The following LRP1B variants were observed in gnomAD, a reference collection of about 807,000 sequenced individuals.
The protein encoded by LRP1B is low-density lipoprotein receptor-related protein 1B.
In LRP1B, 217 loss-of-function variants were observed where a neutral mutation model predicts 556.6. That is an observed-to-expected ratio of 0.39 (90% CI 0.35 to 0.44). LRP1B has a LOEUF of 0.44. LRP1B is among the 20% of genes least tolerant of loss of function. The pLI is 1.00. For missense variants in LRP1B, 5,053 were observed against 5,620.8 expected (o/e 0.90, Z 3.23); for synonymous variants, 2,047 against 1,865.8 (o/e 1.10, Z -2.50).
intron 1 of LRP1B, among the ~76,000 whole-genome samples, chr2:141,828,630 C>T (rs769708668): frequency 1.3e-5 from 2 of 152,006 alleles, no homozygotes; most frequent in Non-Finnish European, 2.9e-5. Context: ...TCATAAGTTA[C>T]CTCGTGCTGG....
At chr2:141,531,100 G>C (rs1684856497) in intron 2 of LRP1B, among the ~76,000 whole-genome samples, 2 of 151,872 alleles carry the variant, frequency 1.3e-5, no homozygotes, top group South Asian at 2.1e-4. Flanking sequence ...AAGAAACATG[G>C]GGCAAGAAGG....
intron 7 of LRP1B, among the ~76,000 whole-genome samples, chr2:141,162,321 T>A (rs1680071428): frequency 6.6e-6 from 1 of 151,876 alleles, no homozygotes; most frequent in Non-Finnish European, 1.5e-5. Flanking sequence ...AATCCAGAAT[T>A]TGAAGGAGGG....
chr2:141,775,675 G>A (rs1174689395), intron 2 of LRP1B, among the ~76,000 whole-genome samples: 1 of 152,076 alleles, frequency 6.6e-6, no homozygotes, highest in Non-Finnish European at 1.5e-5. Context: ...TAGACAGGAT[G>A]TGTTAGAAAA....
At position 140,475,262 on chromosome 2, in the gene LRP1B, A is replaced by C. The variant is rs1210008436; in HGVS notation, c.9501T>G (p.Val3167=). 3 of 1,612,236 alleles carry C rather than the reference A, an allele frequency of 1.9e-6. No homozygotes were observed. In the African/African-American group the frequency reaches 4.0e-5, roughly 22 times the overall value. ...GTCTAGAAATCTTGGTTTCTATGAC[A>C]ACACTCTGATTGGTTCCATCCATTC... The part of the protein sequence containing the change: ...RVGMDGTNQS[V]VIETKISRPM... Residue 3167 remains valine, a synonymous_variant, in exon 60 of 91, where the codon GTT becomes GTG. Transcript: ENST00000389484.
At chr2:140,476,765 G>A (rs1244167120) in intron 59 of LRP1B, among the ~76,000 whole-genome samples, 2 of 151,908 alleles carry the variant, frequency 1.3e-5, no homozygotes, top group African/African-American at 4.8e-5. Flanking sequence ...TAAACAAAAG[G>A]TGTAATGTTA....
At chr2:141,134,458 C>T (rs1701441012) in intron 7 of LRP1B, among the ~76,000 whole-genome samples, 1 of 151,812 alleles carries the variant, frequency 6.6e-6, no homozygotes, top group Non-Finnish European at 1.5e-5. Flanking sequence ...TGTGCATTTG[C>T]ATTTAACATC....
intron 2 of LRP1B, among the ~76,000 whole-genome samples, chr2:141,614,356 A>G (rs538253840): frequency 6.6e-6 from 1 of 152,302 alleles, no homozygotes; most frequent in African/African-American, 2.4e-5. Context: ...GTATATACTC[A>G]TCACCATCTA....
chr2:141,533,508 C>T (rs749999904), intron 2 of LRP1B, among the ~76,000 whole-genome samples: 10 of 152,162 alleles, frequency 6.6e-5, no homozygotes, highest in Non-Finnish European at 1.0e-4. Flanking sequence ...AAGCCAATTA[C>T]GGATAAATGC....
chr2:141,640,634 A>G (rs967820067), intron 2 of LRP1B, among the ~76,000 whole-genome samples: 6 of 152,030 alleles, frequency 3.9e-5, no homozygotes, highest in African/African-American at 4.8e-5. Flanking sequence ...GGTGAAACCC[A>G]CCTACAAAAA....
At chr2:142,000,408 A>C (rs896578816) in intron 1 of LRP1B, among the ~76,000 whole-genome samples, 2 of 152,344 alleles carry the variant, frequency 1.3e-5, no homozygotes, top group African/African-American at 4.8e-5. Flanking sequence ...ATTTATACAT[A>C]ATTACAATCA....
intron 7 of LRP1B, among the ~76,000 whole-genome samples, chr2:141,136,392 C>T (rs907995136): frequency 1.3e-5 from 2 of 151,768 alleles, no homozygotes; most frequent in African/African-American, 4.8e-5. Context: ...TCCTAAGTTG[C>T]ACAGTAATAT....
chr2:140,435,026 A>C (rs1307877303), intron 66 of LRP1B, among the ~76,000 whole-genome samples: 3 of 152,200 alleles, frequency 2.0e-5, no homozygotes, highest in African/African-American at 7.2e-5. Context: ...ACTAACACAA[A>C]GCATAATCAA....
intron 2 of LRP1B, among the ~76,000 whole-genome samples, chr2:141,508,186 C>A (rs1314246450): frequency 6.6e-6 from 1 of 152,024 alleles, no homozygotes; most frequent in East Asian, 1.9e-4. Flanking sequence ...TCCTTGAGAC[C>A]AAATTCCCCT....
chr2:140,403,649 A>G (rs1381880974), intron 66 of LRP1B, among the ~76,000 whole-genome samples: 2 of 152,192 alleles, frequency 1.3e-5, no homozygotes, highest in Non-Finnish European at 2.9e-5. Context: ...AAAAACCTAT[A>G]CATAATTGAT....
chr2:141,317,227 T>C (rs1300820254), intron 3 of LRP1B, among the ~76,000 whole-genome samples: 1 of 152,220 alleles, frequency 6.6e-6, no homozygotes, highest in East Asian at 1.9e-4. Context: ...TGTTTCTGTG[T>C]TAGTTGCCAT....
chr2:140,378,107 T>C lies in LRP1B; in HGVS notation c.10638+73A>G. ...TCTGAGCTGTCCTTGCCGCACTTAT[T>C]GGACTGAATAATAATAATTACAAAT... is the stretch of plus-strand genomic sequence containing the variant. On this transcript the variant is annotated intron_variant, in intron 68 of 90. Coordinates refer to ENST00000389484, the MANE Select transcript of LRP1B (RefSeq NM_018557.3). 9 of 997,474 alleles carry C rather than the reference T, an allele frequency of 9.0e-6. No individual in the cohort carries two copies. The South Asian group carries it at 1.3e-4, about 14-fold the overall frequency. The allele number at this position is 997,474 out of a possible 1,614,324, so 61.8% of individuals were successfully genotyped here.
At chr2:140,778,827 A>G (rs1441745571) in intron 32 of LRP1B, among the ~76,000 whole-genome samples, 1 of 152,116 alleles carries the variant, frequency 6.6e-6, no homozygotes, top group Non-Finnish European at 1.5e-5. Flanking sequence ...CCTGAATCAG[A>G]TATGAAAATT....
chr2:141,510,904 A>ACT (rs1282306011), intron 2 of LRP1B, among the ~76,000 whole-genome samples: 1 of 66,944 alleles, frequency 1.5e-5, no homozygotes, highest in Non-Finnish European at 3.0e-5. Flanking sequence ...ACACACACAC[A>ACT]CACACCCCAC....
rs70994450 is a variant in LRP1B at position 141,752,945 on chromosome 2, G to GAAAAA, written c.205+57329_205+57333dup. Reference sequence around the variant, plus strand: ...GGTGACAGACTGAGACCCTGTCTCAGAAAAAAAAAAAAAAAATTATGCTGG... The same window carrying GAAAAA: ...GGTGACAGACTGAGACCCTGTCTCAGAAAAAAAAAAAAAAAAAAAAATTATGCTGG... On this transcript the variant is annotated intron_variant, in intron 2 of 90. Coordinates refer to ENST00000389484, the MANE Select transcript of LRP1B (RefSeq NM_018557.3). Among the ~76,000 whole-genome samples the GAAAAA allele has an allele frequency of 9.9e-4, 28 of 28,222 alleles. 1 individual carries two copies. The highest frequency in any genetic ancestry group is 2.0e-3 in the African/African-American group (22 of 10,860). 18.5% of individuals were successfully genotyped at this position (28,222 alleles called of 152,430 possible).
Sources: gnomAD v4.1 joint callset for allele counts (sites outside exome capture counted in the v4.1 genomes callset) on GRCh38, gnomAD v4.1.1 for gene constraint, MANE v1.5 for transcripts, NCBI Gene and HGNC (gene_info 2026-07-23, HGNC 2026-07-21) for gene names.